Variants in TNIP1 observed in about 807,000 individuals in gnomAD.
TNIP1 encodes the protein TNFAIP3-interacting protein 1.
A neutral mutation model predicts 86.6 loss-of-function variants in TNIP1; 22 were observed. The ratio of observed to expected loss-of-function variants is 0.25; its 90% CI spans 0.18 to 0.36. The LOEUF is 0.36. Ranked by LOEUF, TNIP1 falls within the 10% of genes least tolerant of loss-of-function variation. The pLI, the probability that TNIP1 is intolerant of heterozygous loss-of-function variation, is 1.00. For synonymous variants in TNIP1, 294 were observed against 313.0 expected, an observed-to-expected ratio of 0.94 and a Z score of 0.64; for missense variants, 709 against 820.6, an observed-to-expected ratio of 0.86 and a Z score of 1.66.
At chr5:151,053,099 CTCT>C (rs1453370344) in intron 6 of TNIP1, among the ~76,000 whole-genome samples, 2 of 104,524 alleles carry the variant, frequency 1.9e-5, no homozygotes, top group Admixed American at 2.5e-4. Context: ...ACAACTGTTT[CTCT>C]TTTTTTTTTT....
At chr5:151,050,795 T>C (rs910716378) in intron 7 of TNIP1, among the ~76,000 whole-genome samples, 1 of 151,382 alleles carries the variant, frequency 6.6e-6, no homozygotes, top group African/African-American at 2.4e-5. Flanking sequence ...CCCTCTTGAG[T>C]AGCTGGGACT....
chr5:151,060,200 C>T, intron 5 of TNIP1, 118 bp downstream of exon 5: 1 of 1,039,832 alleles, frequency 9.6e-7, no homozygotes, highest in Non-Finnish European at 1.5e-6. Flanking sequence ...CGTGTATCCC[C>T]AAGTGACTCC....
At chr5:151,056,086 T>C (rs1455509159) in intron 6 of TNIP1, among the ~76,000 whole-genome samples, 4 of 152,194 alleles carry the variant, frequency 2.6e-5, no homozygotes, top group Admixed American at 2.0e-4. Context: ...GAGGCACTTC[T>C]AGCTCATGTT....
At chr5:151,065,375 G>A (rs1561526072) in intron 1 of TNIP1, among the ~76,000 whole-genome samples, 2 of 152,146 alleles carry the variant, frequency 1.3e-5, no homozygotes, top group Admixed American at 6.5e-5. Flanking sequence ...TTTGGAACAG[G>A]AGTCCAAATA....
chr5:151,060,454 G>A (rs919436884), intron 4 of TNIP1, 59 bp from the exon 5 acceptor site: 34 of 1,535,286 alleles, frequency 2.2e-5, no homozygotes, highest in African/African-American at 6.8e-5. Context: ...CCTCCTCTGC[G>A]GCCCTGTGGC....
upstream of TNIP1, among the ~76,000 whole-genome samples, chr5:151,082,644 A>G (rs1379260059): frequency 1.3e-5 from 2 of 151,568 alleles, no homozygotes; most frequent in African/African-American, 4.9e-5. Flanking sequence ...TTTCCACACT[A>G]TTTCAGCTGT....
In TNIP1 at chr5:151,030,285, C is replaced by T. The variant is rs1756733109; in HGVS notation, c.*428G>A. ...GGTGTGCGTGGGGCAGGTCCTGCTA[C>T]AGAGCTTGAAGCAAAAATTAAACAC... On this transcript the variant is annotated 3_prime_UTR_variant, in exon 18 of 18. Coordinates refer to ENST00000521591, the MANE Select transcript of TNIP1 (RefSeq NM_006058.5). The T allele has an allele frequency of 1.6e-5, 6 of 382,068 alleles. No individual in the cohort carries two copies. The highest frequency in any genetic ancestry group is 3.1e-5 in the Non-Finnish European group (6 of 191,162). The allele number at this position is 382,068 out of a possible 1,614,324, so 23.7% of individuals were successfully genotyped here. A position where few individuals can be genotyped will look rare whatever the true frequency, so the allele number is the denominator to read the frequency against.
intron 1 of TNIP1, among the ~76,000 whole-genome samples, chr5:151,068,984 C>T (rs1408587271): frequency 1.3e-5 from 2 of 152,256 alleles, no homozygotes; most frequent in African/African-American, 4.8e-5. Flanking sequence ...CCTCCACAGC[C>T]TGCCCCAGAG....
At chr5:151,066,119 T>C (rs1762191697) in intron 1 of TNIP1, among the ~76,000 whole-genome samples, 1 of 152,126 alleles carries the variant, frequency 6.6e-6, no homozygotes, top group South Asian at 2.1e-4. Context: ...GAGCTTATAG[T>C]CTAGGGGTGA....
chr5:151,070,796 C>G (rs959502783), intron 1 of TNIP1, among the ~76,000 whole-genome samples: 1 of 152,174 alleles, frequency 6.6e-6, no homozygotes, highest in African/African-American at 2.4e-5. Flanking sequence ...GTCCATCCAT[C>G]AAAGGCCGGG....
At chr5:151,033,539 T>C in intron 16 of TNIP1, 69 bp downstream of exon 16, 3 of 1,103,194 alleles carry the variant, frequency 2.7e-6, no homozygotes, top group Admixed American at 2.3e-5. Context: ...TCACTTAACC[T>C]TCCTCTCTGG....
In TNIP1 at chr5:151,072,003, A is replaced by G. The variant is rs573093354; in HGVS notation, c.-36-6872T>C. 3.6e-4 allele frequency among the ~76,000 whole-genome samples: 55 copies of G among 152,284 alleles called. No homozygotes were observed. The South Asian group carries it at 3.7e-3, about 10-fold the overall frequency. The stretch of plus-strand genomic sequence containing the variant: ...CATGACCTCATTTTCTTCTTGCCAC[A>G]CAGATATGGAAATTATCATCCACAC... On this transcript the variant is annotated intron_variant, in intron 1 of 17. Transcript: ENST00000521591.
At chr5:151,042,027 G>A (rs1224054458) in intron 11 of TNIP1, among the ~76,000 whole-genome samples, 2 of 148,934 alleles carry the variant, frequency 1.3e-5, no homozygotes, top group African/African-American at 5.0e-5. Flanking sequence ...TGCAACCTCC[G>A]CCTCCCAGGT....
chr5:151,078,013 C>G (rs919100468), intron 1 of TNIP1, among the ~76,000 whole-genome samples: 3 of 152,204 alleles, frequency 2.0e-5, no homozygotes, highest in Non-Finnish European at 4.4e-5. Context: ...TCACTTCCCT[C>G]CAGAAGACCC....
At chr5:151,064,176 C>T (rs1230630613) in intron 2 of TNIP1, among the ~76,000 whole-genome samples, 1 of 152,218 alleles carries the variant, frequency 6.6e-6, no homozygotes, top group Non-Finnish European at 1.5e-5. Flanking sequence ...GCCCTCTAGG[C>T]CTCCATTTTC....
At chr5:151,075,712 A>G (rs1465784478) in intron 1 of TNIP1, among the ~76,000 whole-genome samples, 1 of 152,256 alleles carries the variant, frequency 6.6e-6, no homozygotes, top group Non-Finnish European at 1.5e-5. Context: ...TGGGCTGGAG[A>G]GGGACCAGGG....
At chr5:151,086,805 T>G (rs1480884272) in intron 1 of TNIP1, among the ~76,000 whole-genome samples, 1 of 152,192 alleles carries the variant, frequency 6.6e-6, no homozygotes, top group Non-Finnish European at 1.5e-5. Flanking sequence ...AGAAAAAGAC[T>G]GGCCAAGAAG....
rs138783725 is a variant in TNIP1, at chr5:151,072,221, G to A, written c.-36-7090C>T. Among the ~76,000 whole-genome samples, 55 of 152,310 alleles carry A rather than the reference G, an allele frequency of 3.6e-4. No homozygotes were observed. The East Asian group carries it at 9.6e-3, about 27-fold the overall frequency. ...TGGAGAGGCGGCAGGCTGAAGCTCAGAGGTGGGAAACCAGACCTACTTTCC... is the reference window on the plus strand; with the variant it reads ...TGGAGAGGCGGCAGGCTGAAGCTCAAAGGTGGGAAACCAGACCTACTTTCC... On this transcript the variant is annotated intron_variant, in intron 1 of 17. Coordinates refer to ENST00000521591, the MANE Select transcript of TNIP1 (RefSeq NM_006058.5).
At chr5:151,059,814 AGAGAGAGAGAGAGAGT>A (rs1280704843) in intron 5 of TNIP1, among the ~76,000 whole-genome samples, 25 of 115,292 alleles carry the variant, frequency 2.2e-4, no homozygotes, top group African/African-American at 1.1e-3. Flanking sequence ...AGAGAGAGAG[AGAGAGAGAGAGAGAGT>A]GTGTGTGTGT....
Sources: allele counts gnomAD v4.1 joint callset (sites outside exome capture counted in the v4.1 genomes callset), GRCh38; gene constraint gnomAD v4.1.1; transcripts MANE v1.5; gene names NCBI Gene and HGNC (gene_info 2026-07-23, HGNC 2026-07-21).